ERI1: variants seen among roughly 807,000 people sequenced by gnomAD.
ERI1 encodes exoribonuclease 1.
Under a neutral mutation model 39.7 loss-of-function variants are expected in ERI1, and 39 were observed. The observed-to-expected ratio is 0.98, with a 90% confidence interval of 0.76 to 1.28. ERI1 has a LOEUF of 1.28. Among genes scored for constraint, ERI1 ranks in the 50% most tolerant of loss-of-function variants. The probability of loss-of-function intolerance (pLI) is 0.00; values close to 1 mark genes in which losing one functional copy is unlikely to be tolerated. For missense variants in ERI1, 581 were observed against 416.9 expected, an observed-to-expected ratio of 1.39 and a Z score of -3.43; for synonymous variants, 204 against 149.6, an observed-to-expected ratio of 1.36 and a Z score of -2.65.
At chr8:9,067,937 C>T (rs1321109510) in intron 3 of ERI1, among the ~76,000 whole-genome samples, 1 of 151,874 alleles carries the variant, frequency 6.6e-6, no homozygotes, top group South Asian at 2.1e-4. Flanking sequence ...CACACACACA[C>T]ACACACATAT....
intron 1 of ERI1, among the ~76,000 whole-genome samples, chr8:9,007,385 AT>A (rs1285763714): frequency 6.6e-6 from 1 of 152,230 alleles, no homozygotes; most frequent in Non-Finnish European, 1.5e-5. Flanking sequence ...ATCAGAAGTT[AT>A]TACACATGTA....
At chr8:9,033,438 CA>C (rs11309950), downstream of ERI1, 152,272 of 152,272 alleles carry the variant, frequency 1, 76,136 homozygotes, top group Non-Finnish European at 1. Flanking sequence ...CCAGCAAGGC[CA>C]AAAAATACTA....
At chr8:9,091,520 A>AG (rs397730081) in intron 3 of ERI1, 3 of 152,002 alleles carry the variant, frequency 2.0e-5, no homozygotes, top group Admixed American at 6.6e-5. Flanking sequence ...AAAAAAAAAA[A>AG]GAGTTCTTGC....
At chr8:9,034,941 A>G (rs959843659), downstream of ERI1, among the ~76,000 whole-genome samples, 1 of 152,236 alleles carries the variant, frequency 6.6e-6, no homozygotes, top group Non-Finnish European at 1.5e-5. Context: ...TGATATGGAG[A>G]AAGTTTTAGT....
intron 2 of ERI1, among the ~76,000 whole-genome samples, chr8:9,011,092 G>A (rs1816617906): frequency 6.6e-6 from 1 of 152,064 alleles, no homozygotes; most frequent in African/African-American, 2.4e-5. Flanking sequence ...CAAAAGAAAG[G>A]AAAGAGATAA....
At chr8:9,065,206 A>G (rs192556505) in intron 3 of ERI1, among the ~76,000 whole-genome samples, 306 of 152,352 alleles carry the variant, frequency 2.0e-3, no homozygotes, top group African/African-American at 7.0e-3. Flanking sequence ...CCAACTATCT[A>G]TAGTACAGCT....
At chr8:9,070,673 C>G (rs1349732619) in intron 3 of ERI1, among the ~76,000 whole-genome samples, 1 of 152,214 alleles carries the variant, frequency 6.6e-6, no homozygotes, top group Non-Finnish European at 1.5e-5. Flanking sequence ...AATTAGTCCA[C>G]TTACGCAGTG....
intron 3 of ERI1, among the ~76,000 whole-genome samples, chr8:9,015,442 G>A (rs962689602): frequency 3.9e-5 from 6 of 152,074 alleles, no homozygotes; most frequent in Non-Finnish European, 8.8e-5. Context: ...CTTAGAGATC[G>A]GAGCCTGATA....
intron 3 of ERI1, among the ~76,000 whole-genome samples, chr8:9,056,066 A>T (rs1798497421): frequency 6.6e-6 from 1 of 152,232 alleles, no homozygotes; most frequent in Admixed American, 6.5e-5. Flanking sequence ...TAATTCATAC[A>T]CATCCCTCAG....
intron 3 of ERI1, among the ~76,000 whole-genome samples, chr8:9,068,003 C>T (rs191462729): frequency 1.3e-5 from 2 of 152,226 alleles, no homozygotes; most frequent in Non-Finnish European, 2.9e-5. Flanking sequence ...GTCTCCTTCC[C>T]CCAAGCAAGA....
Position 9,055,697 on chromosome 8 carries a change from GC to G in ERI1, n.299+35235del, listed in dbSNP as rs1456106123. ...TGGGATTACAGGCACCCGCCACCAT[GC>G]CTGGCTAATTTTTTGTATTTTTAGT... On this transcript the variant is annotated intron_variant and non_coding_transcript_variant, in intron 3 of 3. Coordinates refer to the ERI1 transcript ENST00000518663. 2.0e-5 allele frequency among the ~76,000 whole-genome samples: 3 copies of G among 152,264 alleles called. No homozygotes were observed. The East Asian group carries it at 5.8e-4, about 29-fold the overall frequency.
At chr8:9,005,433 A>G (rs112854603) in intron 1 of ERI1, among the ~76,000 whole-genome samples, 2,159 of 152,250 alleles carry the variant, frequency 0.014, 56 homozygotes, top group African/African-American at 0.049. Context: ...CAATAAGAAG[A>G]GGACAGCAAT....
chr8:9,077,842 A>G (rs1326115577), intron 3 of ERI1, among the ~76,000 whole-genome samples: 1 of 152,182 alleles, frequency 6.6e-6, no homozygotes, highest in Non-Finnish European at 1.5e-5. Context: ...TTTGAGGTCC[A>G]AAGCAGCATA....
At chr8:9,004,645 C>G (rs1319851510) in intron 1 of ERI1, among the ~76,000 whole-genome samples, 1 of 150,636 alleles carries the variant, frequency 6.6e-6, no homozygotes, top group Non-Finnish European at 1.5e-5. Flanking sequence ...ACCTGGGTGA[C>G]AGAGTGAGAC....
chr8:9,044,578 G>A (rs1270795165), intron 3 of ERI1, among the ~76,000 whole-genome samples: 1 of 152,132 alleles, frequency 6.6e-6, no homozygotes, highest in Non-Finnish European at 1.5e-5. Flanking sequence ...GACAGTGTAG[G>A]AGCAGAAGCA....
At chr8:9,004,594 G>A (rs1044025769) in intron 1 of ERI1, among the ~76,000 whole-genome samples, 3 of 150,660 alleles carry the variant, frequency 2.0e-5, no homozygotes, top group African/African-American at 7.3e-5. Flanking sequence ...GAGCCCATGG[G>A]TGGAGGCTGC....
intron 3 of ERI1, among the ~76,000 whole-genome samples, chr8:9,064,033 T>C (rs919360615): frequency 6.7e-6 from 1 of 148,846 alleles, no homozygotes; most frequent in African/African-American, 2.5e-5. Context: ...GGAAAGGGGT[T>C]GGGGTGTGTA....
chr8:9,028,984 T>G (rs1797391367), intron 6 of ERI1, among the ~76,000 whole-genome samples: 3 of 150,490 alleles, frequency 2.0e-5, no homozygotes, highest in African/African-American at 4.9e-5. Context: ...TTTTTTTTTT[T>G]TTTTTTTTTT....
chr8:9,021,220 T>C (rs1309402647), intron 6 of ERI1, among the ~76,000 whole-genome samples: 1 of 152,178 alleles, frequency 6.6e-6, no homozygotes, highest in African/African-American at 2.4e-5. Context: ...TACTCTCCAT[T>C]CAAACTGTAA....
Sources: allele counts gnomAD v4.1 joint callset (sites outside exome capture counted in the v4.1 genomes callset), GRCh38; gene constraint gnomAD v4.1.1; transcripts MANE v1.5; gene names NCBI Gene and HGNC (gene_info 2026-07-23, HGNC 2026-07-21).